The following PTPRB variants were observed in gnomAD, a reference collection of about 807,000 sequenced individuals.
The protein encoded by PTPRB is protein tyrosine phosphatase receptor type B, also known as receptor-type tyrosine-protein phosphatase beta.
PTPRB carries 97 observed loss-of-function variants against 238.1 expected under a neutral mutation model. The ratio of observed to expected loss-of-function variants is 0.41; its 90% CI spans 0.35 to 0.48. The LOEUF (loss-of-function observed/expected upper bound fraction) is 0.48, where lower values mean the gene tolerates loss of function less well. PTPRB is among the 20% of genes least tolerant of loss of function. PTPRB has a pLI of 0.30. For missense variants in PTPRB, 2,292 were observed against 2,681.9 expected (o/e 0.85, Z 3.21); for synonymous variants, 970 against 995.4 (o/e 0.97, Z 0.48).
At position 70,520,313 on chromosome 12, in the gene PTPRB, G is replaced by A; in HGVS notation, c.*1176C>T. On this transcript the variant is annotated 3_prime_UTR_variant, in exon 34 of 34. Coordinates refer to ENST00000334414, the MANE Select transcript of PTPRB (RefSeq NM_001109754.4). The stretch of plus-strand genomic sequence containing the variant: ...GAAGATAAACTTGGTACAGTATGTA[G>A]TGCCTTTTGTTATTAAATGCAACTT... The A allele has an allele frequency of 2.4e-5, 8 of 337,972 alleles. 1 individual carries two copies. Among genetic ancestry groups the A allele is most frequent in the South Asian group, 1.8e-4 (8 of 44,232 alleles). The allele number at this position is 337,972 out of a possible 1,614,324, so 20.9% of individuals were successfully genotyped here. A position where few individuals can be genotyped will look rare whatever the true frequency, so the allele number is the denominator to read the frequency against.
intron 14 of PTPRB, among the ~76,000 whole-genome samples, chr12:70,567,305 C>T (rs1304417033): frequency 2.0e-5 from 3 of 152,160 alleles, no homozygotes; most frequent in African/African-American, 7.2e-5. Context: ...GGTGACAACT[C>T]CCAAATTTAA....
chr12:70,594,961 G>T (rs1364638591), intron 5 of PTPRB, among the ~76,000 whole-genome samples: 3 of 152,094 alleles, frequency 2.0e-5, no homozygotes, highest in Non-Finnish European at 4.4e-5. Flanking sequence ...CCACTTAATA[G>T]GTATTAAGGT....
Position 70,556,157 on chromosome 12 carries a change from A to G in PTPRB, c.4715-9T>C. On this transcript the variant is annotated splice_polypyrimidine_tract_variant and intron_variant, in intron 18 of 33. Coordinates refer to ENST00000334414, the MANE Select transcript of PTPRB (RefSeq NM_001109754.4). ...TTGTATCTTGTCAGGCTCTAAAGGA[A>G]ACAGAGGAGGCAACACTTTTCAGAA... is the stretch of plus-strand genomic sequence containing the variant. The G allele has an allele frequency of 1.9e-6, 3 of 1,608,728 alleles. No individual in the cohort carries two copies. The highest frequency in any genetic ancestry group is 2.5e-6 in the Non-Finnish European group (3 of 1,177,114).
intron 27 of PTPRB, 106 bp from the exon 28 acceptor site, chr12:70,538,337 AGT>A: frequency 1.1e-6 from 1 of 901,576 alleles, no homozygotes; most frequent in Non-Finnish European, 1.7e-6. Flanking sequence ...ACAGATGGGA[AGT>A]GATCTTATCT....
chr12:70,560,668 C>G lies in PTPRB; in HGVS notation c.4432+3G>C. On this transcript the variant is annotated splice_donor_region_variant and intron_variant, in intron 17 of 33. Coordinates refer to ENST00000334414, the MANE Select transcript of PTPRB (RefSeq NM_001109754.4). This position sits in a 1 kb window ranked among gnomAD's most constrained non-coding sequence, Gnocchi z 4.2. The stretch of plus-strand genomic sequence containing the variant: ...CTTGGCCATTGGCACCTGGGCTTCT[C>G]ACCTGTTCTGCTCTCCGCTGTGACT... 2 of 1,613,522 alleles carry G rather than the reference C, an allele frequency of 1.2e-6. No homozygotes were observed. The highest frequency in any genetic ancestry group is 1.7e-6 in the Non-Finnish European group (2 of 1,179,670).
rs1248565612 is a variant in PTPRB, at chr12:70,589,997, A to C, written c.2017T>G (p.Leu673Val). Residue 673 changes from leucine (L) to valine (V), a missense_variant, in exon 8 of 34, where the codon TTG becomes GTG. This residue lies in a region of PTPRB where 1,205 missense variants were observed against 1,287.8 expected (regional missense o/e 0.94). Coordinates refer to ENST00000334414, the MANE Select transcript of PTPRB (RefSeq NM_001109754.4). ...CCTTGGCAACGCTCAGAATTCTTCAAATTTCCACTCTCAACAATGACTTCC... is the reference window on the plus strand; with the variant it reads ...CCTTGGCAACGCTCAGAATTCTTCACATTTCCACTCTCAACAATGACTTCC... ...EVEVIVESGN[L>V]KNSERCQGRT... 1 of 1,613,920 alleles carries C rather than the reference A, an allele frequency of 6.2e-7. No homozygotes were observed. Among genetic ancestry groups the C allele is most frequent in the East Asian group, 2.2e-5 (1 of 44,880 alleles).
chr12:70,560,729 C>T lies in PTPRB; in HGVS notation c.4374G>A (p.Leu1458=). The change falls in exon 17 of 34, where the codon CTG becomes CTA. Residue 1458 remains leucine, a synonymous_variant. Transcript: ENST00000334414. This position sits in a 1 kb window ranked among gnomAD's most constrained non-coding sequence, Gnocchi z 4.2. The part of the protein sequence containing the change: ...QGLVPGRKYV[L]WVVTHSGDLS... ...GATCTCCACTGTGAGTTACCACCCA[C>T]AGCACGTACTTCCTTCCAGGAACAA... is the stretch of plus-strand genomic sequence containing the variant. 2 of 1,614,018 alleles carry T rather than the reference C, an allele frequency of 1.2e-6. No homozygotes were observed. Among genetic ancestry groups the T allele is most frequent in the Non-Finnish European group, 1.7e-6 (2 of 1,179,892 alleles).
At chr12:70,613,279 T>C (rs551934630) in intron 3 of PTPRB, among the ~76,000 whole-genome samples, 2 of 152,034 alleles carry the variant, frequency 1.3e-5, no homozygotes, top group South Asian at 4.2e-4. Context: ...GCCCATTTCT[T>C]TCCTCCCTCC....
intron 4 of PTPRB, 92 bp from the exon 5 acceptor site, chr12:70,596,419 C>T: frequency 8.2e-7 from 1 of 1,213,472 alleles, no homozygotes; most frequent in Non-Finnish European, 1.1e-6. Flanking sequence ...CAAATAACTG[C>T]TTATTTTACT....
intron 32 of PTPRB, among the ~76,000 whole-genome samples, chr12:70,529,674 G>T (rs552445421): frequency 7.2e-5 from 11 of 152,206 alleles, no homozygotes; most frequent in African/African-American, 2.6e-4. Context: ...TATGATACAG[G>T]GTTATATAAT....
At chr12:70,563,483 C>A (rs1489960236) in intron 15 of PTPRB, among the ~76,000 whole-genome samples, 7 of 152,178 alleles carry the variant, frequency 4.6e-5, no homozygotes, top group African/African-American at 1.7e-4. Context: ...GCTCTCTTTG[C>A]TTTCTCCTCT....
At chr12:70,630,503 C>T (rs1036227266) in intron 2 of PTPRB, among the ~76,000 whole-genome samples, 10 of 152,098 alleles carry the variant, frequency 6.6e-5, no homozygotes, top group East Asian at 5.8e-4. Context: ...CTTTGAAAAC[C>T]GGCATAAGAC....
intron 8 of PTPRB, 64 bp from the exon 9 acceptor site, chr12:70,587,331 T>C (rs1032603999): frequency 2.6e-6 from 4 of 1,530,428 alleles, no homozygotes; most frequent in Non-Finnish European, 3.6e-6. Flanking sequence ...GGTATACTTT[T>C]GATAGTTCTC....
In PTPRB at chr12:70,571,839, C is replaced by A; in HGVS notation, c.3091G>T (p.Gly1031Trp). ...KSGQYEANEQ[G>W]NGRTIPEPVK... is the part of the protein sequence containing the mutation. ...TTCCACTTACTTGTTCTCCCATTCC[C>A]TTGTTCATTGGCTTCATATTGTCCA... Residue 1031 changes from glycine to tryptophan, a missense_variant, in exon 12 of 34, where the codon GGG becomes TGG. Gly to Trp is a radical substitution (Grantham distance 184, BLOSUM62 -2). Around this residue, in one of 4 missense-constraint regions of PTPRB, gnomAD observed 1,205 missense variants for 1,287.8 expected, o/e 0.94. Transcript: ENST00000334414. The A allele has an allele frequency of 6.2e-7, 1 of 1,612,994 alleles. No homozygotes were observed. Among genetic ancestry groups the A allele is most frequent in the South Asian group, 1.1e-5 (1 of 90,890 alleles).
chr12:70,611,907 G>A (rs1268969900), intron 3 of PTPRB, among the ~76,000 whole-genome samples: 1 of 152,202 alleles, frequency 6.6e-6, no homozygotes, highest in African/African-American at 2.4e-5. Flanking sequence ...AGTGGCAGGG[G>A]TCCCCTCCTG....
At chr12:70,604,083 T>C (rs1195238493) in intron 4 of PTPRB, among the ~76,000 whole-genome samples, 1 of 151,904 alleles carries the variant, frequency 6.6e-6, no homozygotes, top group Non-Finnish European at 1.5e-5. Context: ...CTACAAATAA[T>C]TTAAAAAACT....
chr12:70,630,225 C>G (rs1478810167), intron 2 of PTPRB, among the ~76,000 whole-genome samples: 7 of 152,150 alleles, frequency 4.6e-5, no homozygotes, highest in Non-Finnish European at 8.8e-5. Flanking sequence ...CCACCACAAC[C>G]AAGTCAGCTT....
intron 3 of PTPRB, among the ~76,000 whole-genome samples, chr12:70,612,855 T>C (rs1196015582): frequency 6.6e-6 from 1 of 151,968 alleles, no homozygotes; most frequent in Non-Finnish European, 1.5e-5. Context: ...GATGCTGTGG[T>C]GCGTGCCTGT....
In PTPRB at chr12:70,524,558, C is replaced by T; in HGVS notation, c.6538G>A (p.Asp2180Asn). The T allele has an allele frequency of 1.2e-6, 2 of 1,612,848 alleles. No homozygotes were observed. The highest frequency in any genetic ancestry group is 1.7e-6 in the Non-Finnish European group (2 of 1,179,050). The change falls in exon 33 of 34, where the codon GAT becomes AAT. Residue 2180 changes from aspartate (D) to asparagine (N), a missense_variant. By Grantham distance (23) the Asp-to-Asn change is conservative. Around this residue, in one of 4 missense-constraint regions of PTPRB, gnomAD observed 397 missense variants for 502.0 expected, o/e 0.79. Transcript: ENST00000334414. ...QYVYLHQCVR[D>N]VLRARKLRSE... ...CGTAGCTTTCTTGCTCTGAGGACAT[C>T]TCTTACACACTGATGTAGGTAGACA... is the stretch of plus-strand genomic sequence containing the variant.
Sources: gnomAD v4.1 joint callset for allele counts (sites outside exome capture counted in the v4.1 genomes callset) on GRCh38, gnomAD v4.1.1 for gene constraint, gnomAD v4.1.1 regional missense constraint, Gnocchi (gnomAD v3.1) non-coding constraint, MANE v1.5 for transcripts, NCBI Gene and HGNC (gene_info 2026-07-23, HGNC 2026-07-21) for gene names.